Variants in ACP3 observed in about 807,000 individuals in gnomAD.
ACP3 encodes acid phosphatase 3.
A neutral mutation model predicts 45.6 loss-of-function variants in ACP3; 38 were observed. The ratio of observed to expected loss-of-function variants is 0.83; its 90% confidence interval spans 0.64 to 1.09. The LOEUF (loss-of-function observed/expected upper bound fraction) is 1.09, where lower values mean the gene tolerates loss of function less well. Among genes scored for constraint, ACP3 ranks in the 50% least tolerant of loss-of-function variants. The pLI is 0.00. For missense variants in ACP3, 466 were observed against 463.2 expected, an observed-to-expected ratio of 1.01 and a Z score of -0.05; for synonymous variants, 162 against 164.7, an observed-to-expected ratio of 0.98 and a Z score of 0.13.
chr3:132,367,690 C>A, intron 10 of ACP3: 1 of 1,562,886 alleles, frequency 6.4e-7, no homozygotes, highest in Non-Finnish European at 8.8e-7. Flanking sequence ...AATACTTTTC[C>A]TATTTTCCCA....
chr3:132,332,307 C>T lies in ACP3; in HGVS notation c.419C>T (p.Pro140Leu). Residue 140 changes from proline (P) to leucine (L), a missense_variant, in exon 4 of 10, where the codon CCC (proline) becomes CTC (leucine). Physicochemically the swap from Pro to Leu is moderately conservative, Grantham distance 98 (BLOSUM62 -3). Coordinates refer to ENST00000336375, the MANE Select transcript of ACP3 (RefSeq NM_001099.5). ...TGGAATCCTATCCTACTCTGGCAGC[C>T]CATCCCGGTGCACACAGTTCCTCTT... ...SIWNPILLWQ[P>L]IPVHTVPLSE... 6.2e-7 allele frequency: 1 copy of T among 1,614,148 alleles called. No homozygotes were observed. The highest frequency in any genetic ancestry group is 1.7e-4 in the Middle Eastern group (1 of 6,060).
intron 10 of ACP3, among the ~76,000 whole-genome samples, chr3:132,367,251 C>T (rs900776685): frequency 1.3e-5 from 2 of 152,114 alleles, no homozygotes; most frequent in African/African-American, 2.4e-5. Flanking sequence ...GCCATAGAGA[C>T]AAAATGTGCA....
chr3:132,359,456 C>G (rs896172790), downstream of ACP3, among the ~76,000 whole-genome samples: 1 of 151,948 alleles, frequency 6.6e-6, no homozygotes, highest in Non-Finnish European at 1.5e-5. Context: ...TGCAGTGAGC[C>G]GAGATCGCGC....
chr3:132,351,687 G>A (rs1937742071), intron 8 of ACP3, among the ~76,000 whole-genome samples: 1 of 151,912 alleles, frequency 6.6e-6, no homozygotes, highest in South Asian at 2.1e-4. Context: ...TTAACTTGTG[G>A]TGTGACTTCC....
chr3:132,322,546 G>T (rs1010673745), intron 1 of ACP3, among the ~76,000 whole-genome samples: 1 of 152,164 alleles, frequency 6.6e-6, no homozygotes, highest in African/African-American at 2.4e-5. Flanking sequence ...ATAATAAGAA[G>T]AATTTAATGT....
chr3:132,355,198 C>A (rs2107817385), intron 9 of ACP3, among the ~76,000 whole-genome samples: 1 of 152,302 alleles, frequency 6.6e-6, no homozygotes. Context: ...CCACGTCAGC[C>A]TTTTAAAGGG....
rs768803310 is a variant in ACP3 at position 132,328,294 on chromosome 3, A to G, written c.148A>G (p.Ile50Val). 13 of 1,613,956 alleles carry G rather than the reference A, an allele frequency of 8.1e-6. No homozygotes were observed. The highest frequency in any genetic ancestry group is 1.1e-5 in the Non-Finnish European group (13 of 1,179,866). The change falls in exon 2 of 10, where the codon ATT (isoleucine) becomes GTT (valine). Residue 50 changes from isoleucine (I) to valine (V), a missense_variant. Transcript: ENST00000336375. ...GTTTCGGCATGGAGACCGAAGTCCCATTGACACCTTTCCCACTGACCCCAT... is the reference window on the plus strand; with the variant it reads ...GTTTCGGCATGGAGACCGAAGTCCCGTTGACACCTTTCCCACTGACCCCAT... ...LVFRHGDRSPIDTFPTDPIKE... is the reference protein window; with the variant it reads ...LVFRHGDRSPVDTFPTDPIKE...
intron 2 of ACP3, among the ~76,000 whole-genome samples, chr3:132,330,845 A>C (rs925776482): frequency 2.2e-4 from 33 of 152,180 alleles, no homozygotes; most frequent in African/African-American, 8.0e-4. Flanking sequence ...ATCACTTGGG[A>C]GACTTGTTAA....
At chr3:132,320,586 C>T (rs1937188337) in intron 1 of ACP3, among the ~76,000 whole-genome samples, 1 of 151,856 alleles carries the variant, frequency 6.6e-6, no homozygotes, top group African/African-American at 2.4e-5. Flanking sequence ...GGTATACACT[C>T]TTCTCATTCT....
intron 3 of ACP3, among the ~76,000 whole-genome samples, 161 bp from the exon 4 acceptor site, chr3:132,332,031 A>G (rs1937407319): frequency 6.6e-6 from 1 of 152,178 alleles, no homozygotes; most frequent in African/African-American, 2.4e-5. Context: ...TGATCATAAT[A>G]TTGCTCATTC....
intron 6 of ACP3, among the ~76,000 whole-genome samples, chr3:132,344,322 T>C (rs1025657474): frequency 1.3e-5 from 2 of 148,554 alleles, no homozygotes; most frequent in Non-Finnish European, 1.5e-5. Context: ...GGCATGCACC[T>C]ATAGTCCCAA....
At chr3:132,334,071 C>G (rs1937449901) in intron 4 of ACP3, among the ~76,000 whole-genome samples, 1 of 152,050 alleles carries the variant, frequency 6.6e-6, no homozygotes, top group African/African-American at 2.4e-5. Flanking sequence ...AATTCCGTCT[C>G]AAAAATAAAT....
intron 1 of ACP3, among the ~76,000 whole-genome samples, chr3:132,324,289 C>T (rs1403668173): frequency 6.6e-6 from 1 of 151,692 alleles, no homozygotes; most frequent in African/African-American, 2.4e-5. Context: ...CTCGACTGTA[C>T]TCACCAGGTT....
Position 132,357,570 on chromosome 3 carries a change from T to C in ACP3, c.*692T>C. ...TTTTAAAGAAACAAAAATCAAACTT[T>C]ACAGAAAGATTTGATGTATGTAATA... On this transcript the variant is annotated 3_prime_UTR_variant, in exon 10 of 10. Coordinates refer to ENST00000336375, the MANE Select transcript of ACP3 (RefSeq NM_001099.5). The C allele has an allele frequency of 2.0e-6, 2 of 984,546 alleles. No homozygotes were observed. The highest frequency in any genetic ancestry group is 2.4e-6 in the Non-Finnish European group (2 of 829,114). The allele number at this position is 984,546 out of a possible 1,614,324, so 61.0% of individuals were successfully genotyped here.
At chr3:132,354,430 A>G (rs141008925) in intron 9 of ACP3, among the ~76,000 whole-genome samples, 334 of 152,318 alleles carry the variant, frequency 2.2e-3, no homozygotes, top group African/African-American at 7.6e-3. Flanking sequence ...GCAGTGACAT[A>G]CAGAAAAAAT....
chr3:132,356,574 GT>G lies in ACP3; in HGVS notation c.969-107del. ...TAAATTGGCTAAAATCTCCCCATAA[GT>G]TTTTCCATTAGTCCCTCAACTGGCA... On this transcript the variant is annotated intron_variant, in intron 9 of 9. Coordinates refer to ENST00000336375, the MANE Select transcript of ACP3 (RefSeq NM_001099.5). The G allele has an allele frequency of 2.5e-6, 4 of 1,572,448 alleles. No homozygotes were observed. The East Asian group carries it at 6.8e-5, about 27-fold the overall frequency.
At position 132,331,677 on chromosome 3, in the gene ACP3, G is replaced by C. The variant is rs371699851; in HGVS notation, c.247G>C (p.Glu83Gln). The change falls in exon 3 of 10, where the codon GAG becomes CAG. Residue 83 changes from glutamate (E) to glutamine (Q), a missense_variant. Glu to Gln is a conservative substitution (Grantham distance 29). Transcript: ENST00000336375. ...CATGGAGCAGCATTATGAACTTGGAGAGTATATAAGAAAGAGATATAGAAA... is the reference window on the plus strand; with the variant it reads ...CATGGAGCAGCATTATGAACTTGGACAGTATATAAGAAAGAGATATAGAAA... ...LGMEQHYELG[E>Q]YIRKRYRKFL... The C allele has an allele frequency of 8.7e-6, 14 of 1,605,054 alleles. No homozygotes were observed. The African/African-American group carries it at 1.1e-4, about 12-fold the overall frequency.
intron 8 of ACP3, among the ~76,000 whole-genome samples, chr3:132,350,740 T>C (rs1352853121): frequency 2.0e-5 from 3 of 152,188 alleles, no homozygotes; most frequent in Non-Finnish European, 2.9e-5. Flanking sequence ...TGCTTCTTTG[T>C]TTAATTGTAG....
At chr3:132,362,588 A>T (rs1461729242), downstream of ACP3, among the ~76,000 whole-genome samples, 3 of 152,200 alleles carry the variant, frequency 2.0e-5, no homozygotes, top group East Asian at 5.8e-4. Context: ...AGTATGGTGA[A>T]TTCTGCGATG....
Sources: allele counts gnomAD v4.1 joint callset (sites outside exome capture counted in the v4.1 genomes callset), GRCh38; gene constraint gnomAD v4.1.1; transcripts MANE v1.5; gene names NCBI Gene and HGNC (gene_info 2026-07-23, HGNC 2026-07-21).